Variants in AUTS2 observed in about 807,000 individuals in gnomAD.
AUTS2 encodes activator of transcription and developmental regulator AUTS2, also known as autism susceptibility gene 2 protein.
AUTS2 carries 17 observed loss-of-function variants against 112.4 expected under a neutral mutation model. The ratio of observed to expected loss-of-function variants is 0.15; its 90% CI spans 0.10 to 0.23. The LOEUF (loss-of-function observed/expected upper bound fraction) is 0.23, where lower values mean the gene tolerates loss of function less well. Ranked by LOEUF, AUTS2 falls within the 10% of genes least tolerant of loss-of-function variation. The pLI is 1.00. For synonymous variants in AUTS2, 751 were observed against 702.7 expected (o/e 1.07, Z -1.09); for missense variants, 1,510 against 1,701.6 (o/e 0.89, Z 1.98).
At chr7:70,123,953 T>C (rs1805823634) in intron 3 of AUTS2, among the ~76,000 whole-genome samples, 1 of 152,224 alleles carries the variant, frequency 6.6e-6, no homozygotes, top group Non-Finnish European at 1.5e-5. Flanking sequence ...TGAACTAATG[T>C]ACACTCCCAC....
chr7:69,693,954 C>T (rs773213573), intron 1 of AUTS2, among the ~76,000 whole-genome samples: 3 of 152,172 alleles, frequency 2.0e-5, no homozygotes, highest in African/African-American at 4.8e-5. Flanking sequence ...AACTTGGGAA[C>T]CACTACTGTG....
At chr7:70,660,355 ACT>A (rs1250744155) in intron 5 of AUTS2, among the ~76,000 whole-genome samples, 2 of 152,086 alleles carry the variant, frequency 1.3e-5, no homozygotes, top group Non-Finnish European at 2.9e-5. Flanking sequence ...CAGACCTCAG[ACT>A]CTGTGCAAGC....
intron 2 of AUTS2, among the ~76,000 whole-genome samples, chr7:70,006,024 G>T (rs780440614): frequency 6.6e-6 from 1 of 152,074 alleles, no homozygotes; most frequent in African/African-American, 2.4e-5. Context: ...ACAAATGCAC[G>T]CATGTGTTAG....
chr7:70,763,244 C>G lies in AUTS2; in HGVS notation c.1117C>G (p.Gln373Glu). Reference protein sequence around the residue: ...RPQSPTQLLHQNLPPVQAHPS... With the variant: ...RPQSPTQLLHENLPPVQAHPS... Reference sequence around the variant, plus strand: ...ACAGTCCCCCACCCAGCTGCTCCATCAGAACCTCCCACCTGTGCAGGCCCA... The same window carrying G: ...ACAGTCCCCCACCCAGCTGCTCCATGAGAACCTCCCACCTGTGCAGGCCCA... The change falls in exon 7 of 19, where the codon CAG becomes GAG. Residue 373 changes from glutamine to glutamate, a missense_variant. By Grantham distance (29) the Gln-to-Glu change is conservative. Coordinates refer to ENST00000342771, the MANE Select transcript of AUTS2 (RefSeq NM_015570.4). 1 of 1,614,078 alleles carries G rather than the reference C, an allele frequency of 6.2e-7. No homozygotes were observed. Among genetic ancestry groups the G allele is most frequent in the South Asian group, 1.1e-5 (1 of 91,054 alleles).
At chr7:69,712,096 T>C (rs1798353766) in intron 1 of AUTS2, among the ~76,000 whole-genome samples, 1 of 152,178 alleles carries the variant, frequency 6.6e-6, no homozygotes, top group Non-Finnish European at 1.5e-5. Flanking sequence ...ACTTCATCCT[T>C]CCCTCATCAT....
At chr7:70,484,803 C>T (rs1797921464) in intron 5 of AUTS2, among the ~76,000 whole-genome samples, 2 of 152,204 alleles carry the variant, frequency 1.3e-5, no homozygotes, top group African/African-American at 2.4e-5. Context: ...ATTTATCAAA[C>T]GTTTGTCAAA....
At chr7:70,067,293 A>G (rs1430453486) in intron 2 of AUTS2, among the ~76,000 whole-genome samples, 1 of 152,210 alleles carries the variant, frequency 6.6e-6, no homozygotes, top group Non-Finnish European at 1.5e-5. Flanking sequence ...TAGAAATTAA[A>G]TATCTAAGAA....
chr7:70,650,234 A>G (rs957999667), intron 5 of AUTS2, among the ~76,000 whole-genome samples: 15 of 152,288 alleles, frequency 9.8e-5, no homozygotes, highest in African/African-American at 3.6e-4. Context: ...CTCAGGTTTC[A>G]CTGGCCAGAA....
intron 4 of AUTS2, among the ~76,000 whole-genome samples, chr7:70,223,553 A>G (rs1811598245): frequency 6.6e-6 from 1 of 152,260 alleles, no homozygotes; most frequent in Non-Finnish European, 1.5e-5. Flanking sequence ...TACGGTATAT[A>G]ATACTTGATA....
chr7:69,641,373 A>G (rs990066060), intron 1 of AUTS2, among the ~76,000 whole-genome samples: 18 of 151,476 alleles, frequency 1.2e-4, no homozygotes, highest in Non-Finnish European at 2.1e-4. Flanking sequence ...GCTGATCCAG[A>G]ATTAATTGCA....
At chr7:69,852,062 G>A (rs552140791) in intron 1 of AUTS2, among the ~76,000 whole-genome samples, 80 of 152,202 alleles carry the variant, frequency 5.3e-4, no homozygotes, top group African/African-American at 1.5e-3. Context: ...CAAATCTGAA[G>A]TGAACAAGCA....
At chr7:70,245,991 C>G (rs1399305781) in intron 4 of AUTS2, among the ~76,000 whole-genome samples, 1 of 151,998 alleles carries the variant, frequency 6.6e-6, no homozygotes, top group Admixed American at 6.6e-5. Flanking sequence ...TTTTTCTGCC[C>G]TGGTTTCCTC....
chr7:70,529,626 C>T (rs1044695178), intron 5 of AUTS2, among the ~76,000 whole-genome samples: 2 of 152,218 alleles, frequency 1.3e-5, no homozygotes, highest in South Asian at 2.1e-4. Context: ...CTGTCCTTCA[C>T]GCTGCTGGCA....
chr7:70,125,964 TA>T (rs1216249993), intron 3 of AUTS2, among the ~76,000 whole-genome samples: 3 of 152,186 alleles, frequency 2.0e-5, no homozygotes, highest in Non-Finnish European at 4.4e-5. Context: ...ATTTTAGTGA[TA>T]TTTTTAGGAG....
intron 6 of AUTS2, among the ~76,000 whole-genome samples, chr7:70,709,637 G>A (rs1157670345): frequency 6.6e-6 from 1 of 152,218 alleles, no homozygotes; most frequent in Non-Finnish European, 1.5e-5. Flanking sequence ...CTTGAGCCCA[G>A]GAGGTGGAGG....
At chr7:70,297,570 C>T (rs1789001066) in intron 4 of AUTS2, among the ~76,000 whole-genome samples, 1 of 151,864 alleles carries the variant, frequency 6.6e-6, no homozygotes, top group Non-Finnish European at 1.5e-5. Flanking sequence ...GCTGGGACTA[C>T]AGGCGCCTGC....
chr7:70,534,459 C>G (rs932007407), intron 5 of AUTS2, among the ~76,000 whole-genome samples: 15 of 152,060 alleles, frequency 9.9e-5, no homozygotes, highest in Non-Finnish European at 1.5e-4. Context: ...CAGAGTCTCA[C>G]TCTGTCGCCC....
chr7:69,957,540 TA>T (rs1797264747), intron 2 of AUTS2, among the ~76,000 whole-genome samples: 1 of 152,162 alleles, frequency 6.6e-6, no homozygotes, highest in African/African-American at 2.4e-5. Context: ...TATTTTATGA[TA>T]TATGTGATAT....
intron 2 of AUTS2, among the ~76,000 whole-genome samples, chr7:70,102,145 G>A (rs1804532232): frequency 1.5e-5 from 2 of 137,282 alleles, no homozygotes; most frequent in Non-Finnish European, 3.1e-5. Context: ...TTGAGACAGA[G>A]TCTCGCACTT....
Sources: allele counts gnomAD v4.1 joint callset (sites outside exome capture counted in the v4.1 genomes callset), GRCh38; gene constraint gnomAD v4.1.1; transcripts MANE v1.5; gene names NCBI Gene and HGNC (gene_info 2026-07-23, HGNC 2026-07-21).